SLC44A4: variants seen among roughly 807,000 people sequenced by gnomAD.
SLC44A4 encodes the protein choline transporter-like protein 4.
In SLC44A4, 74 loss-of-function variants were observed where a neutral mutation model predicts 97.0. The observed-to-expected ratio is 0.76, with a 90% CI of 0.63 to 0.93. The LOEUF is 0.93. Ranked by LOEUF, SLC44A4 falls within the 40% of genes least tolerant of loss-of-function variation. The probability of loss-of-function intolerance (pLI) is 0.00; values close to 1 mark genes in which losing one functional copy is unlikely to be tolerated. For synonymous variants in SLC44A4, 325 were observed against 363.8 expected (o/e 0.89, Z 1.21); for missense variants, 799 against 902.9 (o/e 0.88, Z 1.48).
In SLC44A4 at chr6:31,874,778, C is replaced by T. The variant is rs1386036117; in HGVS notation, c.411G>A (p.Gly137=). The change falls in exon 6 of 21, where the codon GGG becomes GGA. Residue 137 remains glycine (G), a synonymous_variant. Coordinates refer to ENST00000229729, the MANE Select transcript of SLC44A4 (RefSeq NM_025257.3). This position sits in a 1 kb window ranked among gnomAD's most constrained non-coding sequence, Gnocchi z 4.8. ...TCCTGTTTTTTGTATAGAAGACTTCCCCAACAGTCTGTGAGAACTCGTTTT... is the reference window on the plus strand; with the variant it reads ...TCCTGTTTTTTGTATAGAAGACTTCTCCAACAGTCTGTGAGAACTCGTTTT... ...VGKNEFSQTV[G]EVFYTKNRNF... 1.2e-6 allele frequency: 2 copies of T among 1,614,014 alleles called. No individual in the cohort carries two copies. Among genetic ancestry groups the T allele is most frequent in the Admixed American group, 1.7e-5 (1 of 59,994 alleles).
rs770368841 is a variant in SLC44A4 at position 31,865,673 on chromosome 6, T to A, written c.1582+17A>T. 1 of 1,612,944 alleles carries A rather than the reference T, an allele frequency of 6.2e-7. No individual in the cohort carries two copies. Among genetic ancestry groups the A allele is most frequent in the South Asian group, 1.1e-5 (1 of 91,082 alleles). On this transcript the variant is annotated intron_variant, in intron 15 of 20. Coordinates refer to ENST00000229729, the MANE Select transcript of SLC44A4 (RefSeq NM_025257.3). The surrounding 1 kb of genome is among the most constrained non-coding windows in gnomAD (Gnocchi z 5.2). ...GCCTTCCCCAGCTCCTGACTCCTAC[T>A]CCGACTCCAGACTCACCTCTGAGCT...
In SLC44A4 at chr6:31,863,392, AT is replaced by A. The variant is rs1192807187; in HGVS notation, c.*234del. The A allele has an allele frequency of 6.8e-6, 3 of 438,118 alleles. No homozygotes were observed. The highest frequency in any genetic ancestry group is 1.2e-5 in the Non-Finnish European group (3 of 256,756). The allele number at this position is 438,118 out of a possible 1,614,324, so 27.1% of individuals were successfully genotyped here. Reference sequence around the variant, plus strand: ...AGGTGCATGCCACCACTCTCGGCTAATTTTTGTATTTTTAATAGAGACGGAG... The same window carrying A: ...AGGTGCATGCCACCACTCTCGGCTAATTTTGTATTTTTAATAGAGACGGAG... On this transcript the variant is annotated 3_prime_UTR_variant, in exon 21 of 21. Coordinates refer to ENST00000229729, the MANE Select transcript of SLC44A4 (RefSeq NM_025257.3).
At chr6:31,871,146 C>A in intron 9 of SLC44A4, 99 bp from the exon 10 acceptor site, 1 of 1,276,710 alleles carries the variant, frequency 7.8e-7, no homozygotes, top group Non-Finnish European at 1.1e-6. Context: ...CCCAATGTCC[C>A]CAGATTAGGC....
In SLC44A4 at chr6:31,869,530, G is replaced by T; in HGVS notation, c.1130+15C>A. 2 of 1,587,448 alleles carry T rather than the reference G, an allele frequency of 1.3e-6. No individual in the cohort carries two copies. The highest frequency in any genetic ancestry group is 1.1e-5 in the South Asian group (1 of 87,616). On this transcript the variant is annotated intron_variant, in intron 12 of 20. Coordinates refer to ENST00000229729, the MANE Select transcript of SLC44A4 (RefSeq NM_025257.3). ...CAGGACTCCAAGAGTGGCTGGCTGCGTGGGCAGAGGATACAGAGCAGTCAT... is the reference window on the plus strand; with the variant it reads ...CAGGACTCCAAGAGTGGCTGGCTGCTTGGGCAGAGGATACAGAGCAGTCAT...
At chr6:31,868,685 G>A (rs999586687) in intron 13 of SLC44A4, among the ~76,000 whole-genome samples, 1 of 152,128 alleles carries the variant, frequency 6.6e-6, no homozygotes, top group Non-Finnish European at 1.5e-5. Flanking sequence ...AGTTCCAGCT[G>A]CTCAGGAGGC....
At position 31,866,073 on chromosome 6, in the gene SLC44A4, G is replaced by A. The variant is rs1354359136; in HGVS notation, c.1287C>T (p.Tyr429=). ...CPGLMCVFQG[Y]SSKGLIQRSV... ...AACGTTGGATTAGGCCTTTGGATGA[G>A]TAGCCCTGGAAGACGCACATCAGCC... Residue 429 remains tyrosine, a synonymous_variant, in exon 14 of 21, where the codon TAC becomes TAT. Coordinates refer to ENST00000229729, the MANE Select transcript of SLC44A4 (RefSeq NM_025257.3). The A allele has an allele frequency of 1.9e-6, 3 of 1,614,080 alleles. No homozygotes were observed. The highest frequency in any genetic ancestry group is 3.3e-5 in the Admixed American group (2 of 60,004).
chr6:31,871,150 A>G, intron 9 of SLC44A4, 103 bp from the exon 10 acceptor site: 1 of 1,281,604 alleles, frequency 7.8e-7, no homozygotes, highest in Non-Finnish European at 1.1e-6. Context: ...ATGTCCCCAG[A>G]TTAGGCCTCT....
chr6:31,867,746 G>T (rs917992043), intron 13 of SLC44A4, among the ~76,000 whole-genome samples: 6 of 149,966 alleles, frequency 4.0e-5, no homozygotes, highest in African/African-American at 1.5e-4. Context: ...AAAAGAAAAA[G>T]AAAAAGAACC....
Position 31,874,371 on chromosome 6 carries a change from A to C in SLC44A4, c.529+89T>G. 51 of 1,322,020 alleles carry C rather than the reference A, an allele frequency of 3.9e-5. No homozygotes were observed. Among genetic ancestry groups the C allele is most frequent in the Non-Finnish European group, 5.2e-5 (48 of 923,254 alleles). The allele number at this position is 1,322,020 out of a possible 1,614,324, so 81.9% of individuals were successfully genotyped here. A position where few individuals can be genotyped will look rare whatever the true frequency, so the allele number is the denominator to read the frequency against. ...AATTTTGCCACCAACAAGCTATGTG[A>C]CTTCACTCTCTCTGGGCCTGATTTC... On this transcript the variant is annotated intron_variant, in intron 7 of 20. Coordinates refer to ENST00000229729, the MANE Select transcript of SLC44A4 (RefSeq NM_025257.3). The surrounding 1 kb of genome is among the most constrained non-coding windows in gnomAD (Gnocchi z 4.8).
In SLC44A4 at chr6:31,863,762, G is replaced by A; in HGVS notation, c.2012-14C>T. The A allele has an allele frequency of 1.2e-6, 2 of 1,612,502 alleles. No homozygotes were observed. The highest frequency in any genetic ancestry group is 1.7e-6 in the Non-Finnish European group (2 of 1,179,858). On this transcript the variant is annotated splice_polypyrimidine_tract_variant and intron_variant, in intron 20 of 20. Transcript: ENST00000229729. Reference sequence around the variant, plus strand: ...CCAGGTCTTCCACTGAGCCGCAACAGAGACCGGTTAGAGCGGACCCTGGGG... The same window carrying A: ...CCAGGTCTTCCACTGAGCCGCAACAAAGACCGGTTAGAGCGGACCCTGGGG...
In SLC44A4 at chr6:31,874,695, G is replaced by A; in HGVS notation, c.468+26C>T. On this transcript the variant is annotated intron_variant, in intron 6 of 20. Transcript: ENST00000229729. The surrounding 1 kb of genome is among the most constrained non-coding windows in gnomAD (Gnocchi z 4.8). ...CCCACCCTGGCCCTTCTGGGCGACAGTGATGAGGTTAGGGGCAATATTCAC... is the reference window on the plus strand; with the variant it reads ...CCCACCCTGGCCCTTCTGGGCGACAATGATGAGGTTAGGGGCAATATTCAC... 1 of 1,588,034 alleles carries A rather than the reference G, an allele frequency of 6.3e-7. No individual in the cohort carries two copies. The highest frequency in any genetic ancestry group is 8.6e-7 in the Non-Finnish European group (1 of 1,168,512).
In SLC44A4 at chr6:31,870,106, G is replaced by A. The variant is rs183379660; in HGVS notation, c.1038-469C>T. 1.1e-3 allele frequency among the ~76,000 whole-genome samples: 165 copies of A among 152,322 alleles called. 1 individual carries two copies. The highest frequency in any genetic ancestry group is 3.3e-3 in the African/African-American group (139 of 41,566). ...CATATCTGTGTCCTCAGGGCCTGGT[G>A]CAGGGCTAGGCATACTGTAGGTGCT... On this transcript the variant is annotated intron_variant, in intron 11 of 20. Coordinates refer to ENST00000229729, the MANE Select transcript of SLC44A4 (RefSeq NM_025257.3).
At chr6:31,871,865 G>T (rs1763197593) in intron 7 of SLC44A4, among the ~76,000 whole-genome samples, 1 of 152,032 alleles carries the variant, frequency 6.6e-6, no homozygotes, top group South Asian at 2.1e-4. Flanking sequence ...CCGTGGCACT[G>T]CCTGGACTTC....
chr6:31,869,090 G>T, intron 13 of SLC44A4, 65 bp downstream of exon 13: 1 of 1,324,466 alleles, frequency 7.6e-7, no homozygotes, highest in Non-Finnish European at 1.0e-6. Context: ...GCACAATGAG[G>T]AATGTGGCCC....
chr6:31,876,101 G>A lies in SLC44A4; in HGVS notation c.118C>T (p.Leu40Phe), dbSNP rs913797971. ...RSCTDVICCV[L>F]FLLFILGYIV... ...TAACCTAGAATGAAGAGCAGGAAGA[G>A]GACGCAGCAGATGACATCTGTGCAG... The change falls in exon 3 of 21, where the codon CTC (leucine) becomes TTC (phenylalanine). Residue 40 changes from leucine (L) to phenylalanine (F), a missense_variant. Physicochemically the swap from Leu to Phe is conservative, Grantham distance 22 (BLOSUM62 0). Coordinates refer to ENST00000229729, the MANE Select transcript of SLC44A4 (RefSeq NM_025257.3). The surrounding 1 kb of genome is among the most constrained non-coding windows in gnomAD (Gnocchi z 4.8). 1 of 1,613,520 alleles carries A rather than the reference G, an allele frequency of 6.2e-7. No homozygotes were observed. The highest frequency in any genetic ancestry group is 2.2e-5 in the East Asian group (1 of 44,876).
Position 31,874,621 on chromosome 6 carries a change from A to T in SLC44A4, c.468+100T>A. The T allele has an allele frequency of 6.4e-7, 1 of 1,563,712 alleles. No homozygotes were observed. Among genetic ancestry groups the T allele is most frequent in the Non-Finnish European group, 8.7e-7 (1 of 1,154,894 alleles). ...GGGCTCAGCCTGTCCCACACTCCCC[A>T]GGAGAGCCAACCTGGTGATGATCTA... On this transcript the variant is annotated intron_variant, in intron 6 of 20. Transcript: ENST00000229729. The surrounding 1 kb of genome is among the most constrained non-coding windows in gnomAD (Gnocchi z 4.8).
At chr6:31,869,457 AC>A in intron 12 of SLC44A4, 87 bp downstream of exon 12, 1 of 1,194,218 alleles carries the variant, frequency 8.4e-7, no homozygotes, top group Non-Finnish European at 1.2e-6. Flanking sequence ...TTCCAGTGAC[AC>A]CAAGGCACTC....
chr6:31,866,135 G>A lies in SLC44A4; in HGVS notation c.1234-9C>T, dbSNP rs953842293. 24 of 1,613,398 alleles carry A rather than the reference G, an allele frequency of 1.5e-5. No homozygotes were observed. The highest frequency in any genetic ancestry group is 1.6e-4 in the Middle Eastern group (1 of 6,068). ...GAGTTCACAAGGTGGGCCTGGGAGG[G>A]TAGACGGGGATAGAGTAGGCTCAGG... On this transcript the variant is annotated splice_polypyrimidine_tract_variant and intron_variant, in intron 13 of 20. Coordinates refer to ENST00000229729, the MANE Select transcript of SLC44A4 (RefSeq NM_025257.3).
intron 13 of SLC44A4, 29 bp from the exon 14 acceptor site, chr6:31,866,155 C>A: frequency 6.2e-7 from 1 of 1,609,540 alleles, no homozygotes; most frequent in Non-Finnish European, 8.5e-7. Context: ...ATAGAGTAGG[C>A]TCAGGCATCG....
Sources: gnomAD v4.1 joint callset for allele counts (sites outside exome capture counted in the v4.1 genomes callset) on GRCh38, gnomAD v4.1.1 for gene constraint, Gnocchi (gnomAD v3.1) non-coding constraint, MANE v1.5 for transcripts, NCBI Gene and HGNC (gene_info 2026-07-23, HGNC 2026-07-21) for gene names.